The following ANO6 variants were observed in gnomAD, a reference collection of about 807,000 sequenced individuals.
ANO6 encodes anoctamin 6, also known as anoctamin-6.
Under a neutral mutation model 117.5 loss-of-function variants are expected in ANO6, and 106 were observed. That is an observed-to-expected ratio of 0.90 (90% CI 0.77 to 1.06). ANO6 has a LOEUF of 1.06. Among genes scored for constraint, ANO6 ranks in the 50% least tolerant of loss-of-function variants. The pLI, the probability that ANO6 is intolerant of heterozygous loss-of-function variation, is 0.00. For missense variants in ANO6, 955 were observed against 1,121.1 expected, an observed-to-expected ratio of 0.85 and a Z score of 2.12; for synonymous variants, 367 against 385.1, an observed-to-expected ratio of 0.95 and a Z score of 0.55.
intron 1 of ANO6, among the ~76,000 whole-genome samples, chr12:45,263,201 G>A (rs12815577): frequency 0.081 from 12,283 of 151,632 alleles, 808 homozygotes; most frequent in East Asian, 0.39. Flanking sequence ...AACAGGGGCC[G>A]GTACAAGATG....
chr12:45,279,440 TGAG>T (rs1938653488), intron 1 of ANO6, among the ~76,000 whole-genome samples: 1 of 152,190 alleles, frequency 6.6e-6, no homozygotes, highest in Non-Finnish European at 1.5e-5. Context: ...TGGTAGTACT[TGAG>T]GAGGGGGCAG....
At chr12:45,288,446 G>C (rs1293193426) in intron 1 of ANO6, among the ~76,000 whole-genome samples, 2 of 152,072 alleles carry the variant, frequency 1.3e-5, no homozygotes, top group African/African-American at 2.4e-5. Context: ...TTCTGTCTCT[G>C]TGAATATGAC....
Position 45,293,124 on chromosome 12 carries a change from A to G in ANO6, c.71-8890A>G, listed in dbSNP as rs190073944. On this transcript the variant is annotated intron_variant, in intron 1 of 19. Coordinates refer to ENST00000320560, the MANE Select transcript of ANO6 (RefSeq NM_001025356.3). ...CAGTGCAATATGGTTCTGGAAATAG[A>G]AGCACTCTCTTATTATCTAAGCAAT... Among the ~76,000 whole-genome samples the G allele has an allele frequency of 1.8e-3, 279 of 152,322 alleles. 1 individual carries two copies. The highest frequency in any genetic ancestry group is 3.7e-3 in the South Asian group (18 of 4,822).
chr12:45,352,387 C>T (rs1031539096), intron 7 of ANO6, among the ~76,000 whole-genome samples: 3 of 151,906 alleles, frequency 2.0e-5, no homozygotes, highest in Non-Finnish European at 2.9e-5. Context: ...TCATTAGCTT[C>T]TATTTCTAAA....
intron 1 of ANO6, among the ~76,000 whole-genome samples, chr12:45,268,707 C>T (rs1938297305): frequency 1.3e-5 from 2 of 152,008 alleles, no homozygotes; most frequent in Admixed American, 1.3e-4. Context: ...CTTTCCTGTC[C>T]TCCAGTACCT....
chr12:45,434,215 G>A (rs1943682155), downstream of ANO6, among the ~76,000 whole-genome samples: 1 of 152,188 alleles, frequency 6.6e-6, no homozygotes, highest in East Asian at 1.9e-4. Flanking sequence ...ACCGTTCAGG[G>A]TGGATAAGCA....
intron 12 of ANO6, among the ~76,000 whole-genome samples, chr12:45,393,899 T>C (rs1238683902): frequency 6.6e-6 from 1 of 152,156 alleles, no homozygotes. Flanking sequence ...ACATGCCAAA[T>C]TGTAAAGACC....
chr12:45,407,894 G>A (rs1287471722), intron 15 of ANO6, among the ~76,000 whole-genome samples: 8 of 152,168 alleles, frequency 5.3e-5, no homozygotes, highest in Non-Finnish European at 1.2e-4. Context: ...AGGGGTGTCT[G>A]AACTCATATC....
At chr12:45,276,004 G>A (rs1030002297) in intron 1 of ANO6, among the ~76,000 whole-genome samples, 11 of 152,070 alleles carry the variant, frequency 7.2e-5, no homozygotes, top group South Asian at 2.1e-4. Context: ...AGCACTCCTG[G>A]ATGGATGTCT....
At chr12:45,312,110 G>A (rs1939867409) in intron 2 of ANO6, among the ~76,000 whole-genome samples, 1 of 151,954 alleles carries the variant, frequency 6.6e-6, no homozygotes, top group Non-Finnish European at 1.5e-5. Context: ...CAAGCTATTT[G>A]TTATCTGGGG....
chr12:45,433,960 AAAGAT>A (rs1199994463), downstream of ANO6, among the ~76,000 whole-genome samples: 1 of 152,254 alleles, frequency 6.6e-6, no homozygotes, highest in Non-Finnish European at 1.5e-5. Flanking sequence ...AGCAGAAAAC[AAAGAT>A]AAGACAGGTA....
chr12:45,317,907 G>A (rs1404518314), intron 2 of ANO6, among the ~76,000 whole-genome samples: 1 of 152,196 alleles, frequency 6.6e-6, no homozygotes, highest in Admixed American at 6.5e-5. Flanking sequence ...TCTGTTGGCT[G>A]CATAAATGTC....
intron 1 of ANO6, among the ~76,000 whole-genome samples, chr12:45,286,846 T>G (rs1273322023): frequency 6.6e-6 from 1 of 152,214 alleles, no homozygotes; most frequent in African/African-American, 2.4e-5. Context: ...ATTTTCCAGG[T>G]GCAGACACTG....
At chr12:45,390,636 A>T (rs1942423395) in intron 12 of ANO6, 138 bp downstream of exon 12, 1 of 780,228 alleles carries the variant, frequency 1.3e-6, no homozygotes, top group South Asian at 1.6e-5. Flanking sequence ...AGACAGACAG[A>T]TATTTCCAGA....
intron 1 of ANO6, among the ~76,000 whole-genome samples, chr12:45,249,256 C>T (rs10492284): frequency 0.057 from 8,678 of 152,218 alleles, 476 homozygotes; most frequent in East Asian, 0.29. Flanking sequence ...ACTGAAAAAA[C>T]TATTATCTAG....
chr12:45,435,809 A>T (rs1313888948), downstream of ANO6, among the ~76,000 whole-genome samples: 2 of 152,224 alleles, frequency 1.3e-5, no homozygotes, highest in Non-Finnish European at 2.9e-5. Context: ...GGGAAAAGAC[A>T]TAAGATTTAG....
chr12:45,430,779 A>C lies in ANO6; in HGVS notation c.*1468A>C. On this transcript the variant is annotated 3_prime_UTR_variant, in exon 20 of 20. Coordinates refer to ENST00000320560, the MANE Select transcript of ANO6 (RefSeq NM_001025356.3). ...AGTCTACTTCACTTTATTGCCTTGT[A>C]AGTGTCAGGCCTCCTGGGCGCTCTG... is the stretch of plus-strand genomic sequence containing the variant. 4.1e-6 allele frequency: 4 copies of C among 985,292 alleles called. No individual in the cohort carries two copies. Among genetic ancestry groups the C allele is most frequent in the Non-Finnish European group, 4.8e-6 (4 of 829,942 alleles). 61.0% of individuals were successfully genotyped at this position (985,292 alleles called of 1,614,324 possible).
chr12:45,342,091 T>C (rs1248782192), intron 3 of ANO6, among the ~76,000 whole-genome samples: 1 of 152,110 alleles, frequency 6.6e-6, no homozygotes, highest in African/African-American at 2.4e-5. Flanking sequence ...ACAGAGCTAG[T>C]AAATGGCAGA....
intron 1 of ANO6, among the ~76,000 whole-genome samples, chr12:45,221,279 T>C (rs1463624158): frequency 2.0e-5 from 3 of 152,208 alleles, no homozygotes; most frequent in Non-Finnish European, 2.9e-5. Flanking sequence ...CTGAGTTTGG[T>C]TTTCTCTGCA....
Sources: gnomAD v4.1 joint callset for allele counts (sites outside exome capture counted in the v4.1 genomes callset) on GRCh38, gnomAD v4.1.1 for gene constraint, MANE v1.5 for transcripts, NCBI Gene and HGNC (gene_info 2026-07-23, HGNC 2026-07-21) for gene names.